The following TECRL variants were observed in gnomAD, a reference collection of about 807,000 sequenced individuals.
TECRL encodes the protein trans-2,3-enoyl-CoA reductase-like.
A neutral mutation model predicts 52.8 loss-of-function variants in TECRL; 63 were observed. That is an observed-to-expected ratio of 1.19 (90% confidence interval 0.97 to 1.47). The LOEUF (loss-of-function observed/expected upper bound fraction) is 1.47. Among genes scored for constraint, TECRL ranks in the 40% most tolerant of loss-of-function variants. The probability of loss-of-function intolerance (pLI) is 0.00; values close to 1 mark genes in which losing one functional copy is unlikely to be tolerated. For missense variants in TECRL, 482 were observed against 429.6 expected (o/e 1.12, Z -1.08); for synonymous variants, 164 against 141.9 (o/e 1.16, Z -1.10).
intron 2 of TECRL, among the ~76,000 whole-genome samples, chr4:64,342,324 G>T (rs1465071702): frequency 2.0e-5 from 3 of 152,210 alleles, no homozygotes; most frequent in African/African-American, 7.2e-5. Context: ...TATATGCAGT[G>T]ATTGGAGGAC....
intron 6 of TECRL, among the ~76,000 whole-genome samples, chr4:64,309,619 G>C (rs1560487345): frequency 6.6e-6 from 1 of 151,996 alleles, no homozygotes; most frequent in South Asian, 2.1e-4. Flanking sequence ...TGTAATATGA[G>C]GTAATGACAA....
chr4:64,348,883 A>G (rs959216513), intron 2 of TECRL, among the ~76,000 whole-genome samples: 2 of 152,118 alleles, frequency 1.3e-5, no homozygotes, highest in African/African-American at 4.8e-5. Flanking sequence ...TGCGCAGGTA[A>G]TGGCATGGAA....
intron 2 of TECRL, among the ~76,000 whole-genome samples, 153 bp from the exon 3 acceptor site, chr4:64,328,709 G>T (rs968650475): frequency 2.6e-5 from 4 of 151,816 alleles, no homozygotes; most frequent in African/African-American, 9.7e-5. Context: ...CCTTTTGTAG[G>T]GTACTGACCA....
At chr4:64,392,144 G>C (rs1247191945) in intron 1 of TECRL, among the ~76,000 whole-genome samples, 1 of 151,806 alleles carries the variant, frequency 6.6e-6, no homozygotes, top group African/African-American at 2.4e-5. Flanking sequence ...TGTTTCTAAG[G>C]CAAAAGCTAA....
chr4:64,277,882 A>C lies in TECRL; in HGVS notation c.*2190T>G, dbSNP rs936866465. The C allele has an allele frequency of 2.0e-5, 3 of 151,802 alleles. No individual in the cohort carries two copies. Among genetic ancestry groups the C allele is most frequent in the Non-Finnish European group, 4.4e-5 (3 of 67,770 alleles). The allele number at this position is 151,802 out of a possible 1,614,324, so 9.4% of individuals were successfully genotyped here. On this transcript the variant is annotated 3_prime_UTR_variant, in exon 12 of 12. Transcript: ENST00000381210. The stretch of plus-strand genomic sequence containing the variant: ...TTGTGAAGTATATATGCATGCTCAC[A>C]TAGAAACTCATACACACACACACAT...
At chr4:64,302,135 C>A (rs1026925) in intron 7 of TECRL, among the ~76,000 whole-genome samples, 1 of 151,388 alleles carries the variant, frequency 6.6e-6, no homozygotes, top group African/African-American at 2.4e-5. Flanking sequence ...TTTTGATAAT[C>A]TATTTCATTT....
At chr4:64,347,817 C>T (rs1442997145) in intron 2 of TECRL, among the ~76,000 whole-genome samples, 1 of 152,118 alleles carries the variant, frequency 6.6e-6, no homozygotes, top group Non-Finnish European at 1.5e-5. Context: ...GGTTGGGACA[C>T]AGAGCCAAAC....
At chr4:64,310,547 AT>A (rs770728414) in intron 5 of TECRL, among the ~76,000 whole-genome samples, 16 of 152,214 alleles carry the variant, frequency 1.1e-4, no homozygotes, top group Non-Finnish European at 1.8e-4. Flanking sequence ...TATAATTACT[AT>A]CTTAAAAGTA....
At chr4:64,277,615 T>C (rs1176219650), downstream of TECRL, 1 of 151,828 alleles carries the variant, frequency 6.6e-6, no homozygotes, top group Non-Finnish European at 1.5e-5. Flanking sequence ...AGACCTGCTT[T>C]ACAATATATT....
At chr4:64,309,054 T>C (rs960040189) in intron 6 of TECRL, among the ~76,000 whole-genome samples, 19 of 152,162 alleles carry the variant, frequency 1.2e-4, no homozygotes, top group Non-Finnish European at 2.5e-4. Flanking sequence ...TTGTAGTCTA[T>C]AATGGTGATC....
chr4:64,350,362 C>A (rs13122503), intron 2 of TECRL, among the ~76,000 whole-genome samples: 102,236 of 152,002 alleles, frequency 0.67, 35,503 homozygotes, highest in Non-Finnish European at 0.76. Flanking sequence ...AATAATGCAA[C>A]CTATTTCCCT....
At chr4:64,401,727 CTT>C (rs1394501486) in intron 1 of TECRL, among the ~76,000 whole-genome samples, 4 of 152,148 alleles carry the variant, frequency 2.6e-5, no homozygotes, top group Non-Finnish European at 4.4e-5. Context: ...GTACGTCTCT[CTT>C]GACATAGTCA....
chr4:64,301,071 C>A (rs1291043725), intron 7 of TECRL, among the ~76,000 whole-genome samples: 1 of 150,410 alleles, frequency 6.6e-6, no homozygotes, highest in Non-Finnish European at 1.5e-5. Flanking sequence ...TATATATATA[C>A]AAACCATATG....
intron 2 of TECRL, among the ~76,000 whole-genome samples, chr4:64,347,065 A>C (rs1720040983): frequency 6.6e-6 from 1 of 152,160 alleles, no homozygotes; most frequent in Admixed American, 6.5e-5. Flanking sequence ...GGTATCTCAC[A>C]AGAGTGGGCC....
chr4:64,401,184 A>G (rs541592614), intron 1 of TECRL, among the ~76,000 whole-genome samples: 1 of 152,318 alleles, frequency 6.6e-6, no homozygotes, highest in South Asian at 2.1e-4. Flanking sequence ...CTGAAAAAAA[A>G]TGATTACCCT....
chr4:64,376,239 A>G (rs1483889015), intron 1 of TECRL, among the ~76,000 whole-genome samples: 1 of 151,862 alleles, frequency 6.6e-6, no homozygotes, highest in African/African-American at 2.4e-5. Flanking sequence ...CATTCAGTAT[A>G]CTGTTCAGAA....
chr4:64,345,232 C>T (rs935871800), intron 2 of TECRL, among the ~76,000 whole-genome samples: 1 of 152,104 alleles, frequency 6.6e-6, no homozygotes, highest in Admixed American at 6.5e-5. Flanking sequence ...AATCATGCTG[C>T]TATAAAGACA....
At chr4:64,307,961 G>A (rs572330073) in intron 6 of TECRL, among the ~76,000 whole-genome samples, 4 of 152,280 alleles carry the variant, frequency 2.6e-5, no homozygotes, top group African/African-American at 9.6e-5. Context: ...ACTTTCAAAT[G>A]TGCATACTGG....
At chr4:64,345,840 ACTACACATTGT>A (rs1719915874) in intron 2 of TECRL, among the ~76,000 whole-genome samples, 1 of 136,366 alleles carries the variant, frequency 7.3e-6, no homozygotes, top group Admixed American at 8.2e-5. Context: ...TTCCACTTTG[ACTACACATTGT>A]AACATCTTCT....
Sources: allele counts gnomAD v4.1 joint callset (sites outside exome capture counted in the v4.1 genomes callset), GRCh38; gene constraint gnomAD v4.1.1; transcripts MANE v1.5; gene names NCBI Gene and HGNC (gene_info 2026-07-23, HGNC 2026-07-21).